The following DNAJC25 variants were observed in gnomAD, a reference collection of about 807,000 sequenced individuals.
The protein encoded by DNAJC25 is DnaJ heat shock protein family (Hsp40) member C25.
In DNAJC25, 26 loss-of-function variants were observed where a neutral mutation model predicts 42.1. The ratio of observed to expected loss-of-function variants is 0.62; its 90% CI spans 0.45 to 0.86. DNAJC25 has a LOEUF of 0.86. Ranked by LOEUF, DNAJC25 falls within the 40% of genes least tolerant of loss-of-function variation. The pLI is 0.00. For missense variants in DNAJC25, 404 were observed against 459.4 expected (o/e 0.88, Z 1.10); for synonymous variants, 189 against 179.9 (o/e 1.05, Z -0.40).
chr9:111,637,177 C>G (rs1007782226), intron 1 of DNAJC25, among the ~76,000 whole-genome samples: 1 of 152,054 alleles, frequency 6.6e-6, no homozygotes, highest in Non-Finnish European at 1.5e-5. Context: ...TTTTCATAGA[C>G]TTTAGGGGAT....
intron 1 of DNAJC25, among the ~76,000 whole-genome samples, chr9:111,638,102 G>A (rs1830390570): frequency 6.6e-6 from 1 of 152,162 alleles, no homozygotes; most frequent in Admixed American, 6.5e-5. Context: ...AATTAAACAT[G>A]TCTGAAATCA....
intron 1 of DNAJC25, among the ~76,000 whole-genome samples, chr9:111,638,482 G>A (rs1200774856): frequency 9.2e-5 from 14 of 152,146 alleles, no homozygotes; most frequent in Non-Finnish European, 4.4e-5. Context: ...GATAATCCTT[G>A]AGGATCCAGA....
chr9:111,652,858 A>G (rs1830684545), intron 3 of DNAJC25, among the ~76,000 whole-genome samples: 1 of 152,128 alleles, frequency 6.6e-6, no homozygotes, highest in South Asian at 2.1e-4. Flanking sequence ...CAAAATTACT[A>G]GTTCTTATAC....
Position 111,649,760 on chromosome 9 carries a change from G to A in DNAJC25, c.797G>A (p.Trp266Ter), listed in dbSNP as rs749289226. 6.2e-7 allele frequency: 1 copy of A among 1,613,924 alleles called. No homozygotes were observed. Among genetic ancestry groups the A allele is most frequent in the Non-Finnish European group, 8.5e-7 (1 of 1,179,980 alleles). ...TCATATATAGTTTGGTATTGTCGGT[G>A]GATCTATAATTTTAACATCAAAGGC... The part of the protein sequence containing the change: ...LCSYIVWYCR[W>*]IYNFNIKGKE... The change falls in exon 3 of 4, where the codon TGG (tryptophan) becomes TAG (stop). Residue 266 changes from tryptophan to a stop codon, truncating the protein, a stop_gained. Transcript: ENST00000313525. LOFTEE classifies it high-confidence loss of function.
chr9:111,644,555 A>G (rs1224006645), intron 1 of DNAJC25, among the ~76,000 whole-genome samples: 1 of 152,244 alleles, frequency 6.6e-6, no homozygotes, highest in African/African-American at 2.4e-5. Flanking sequence ...CGACACTCCA[A>G]GACCTTACTC....
At chr9:111,652,597 A>G (rs1429087492) in intron 3 of DNAJC25, among the ~76,000 whole-genome samples, 1 of 150,364 alleles carries the variant, frequency 6.7e-6, no homozygotes, top group East Asian at 2.0e-4. Context: ...GCTGGAGTGC[A>G]ATGGCATGAT....
intron 2 of DNAJC25, among the ~76,000 whole-genome samples, chr9:111,649,109 GAA>G (rs890899886): frequency 1.3e-5 from 2 of 151,868 alleles, no homozygotes; most frequent in Admixed American, 6.6e-5. Flanking sequence ...TAAAAAAAAA[GAA>G]AAAAAATTTT....
intron 1 of DNAJC25, among the ~76,000 whole-genome samples, chr9:111,645,639 A>G (rs2131266498): frequency 6.6e-6 from 1 of 152,332 alleles, no homozygotes; most frequent in Admixed American, 6.5e-5. Context: ...TTTAAATCTA[A>G]AAAACTACAT....
chr9:111,631,895 G>C (rs1451163017), intron 1 of DNAJC25, 152 bp downstream of exon 1: 1 of 1,378,212 alleles, frequency 7.3e-7, no homozygotes, highest in African/African-American at 1.5e-5. Context: ...TTTCCCACGT[G>C]GCCCTGTGAA....
Position 111,649,474 on chromosome 9 carries a change from T to C in DNAJC25, c.511T>C (p.Tyr171His). The C allele has an allele frequency of 6.3e-7, 1 of 1,586,992 alleles. No individual in the cohort carries two copies. The highest frequency in any genetic ancestry group is 8.5e-7 in the Non-Finnish European group (1 of 1,171,176). Reference sequence around the variant, plus strand: ...CTAGTTTTTCAGCTGGTGGAATAGCTACAATAAGGCAATCAGCTACCTAGC... The same window carrying C: ...CTAGTTTTTCAGCTGGTGGAATAGCCACAATAAGGCAATCAGCTACCTAGC... Reference protein sequence around the residue: ...VFQFFSWWNSYNKAISYLATV... With the variant: ...VFQFFSWWNSHNKAISYLATV... Residue 171 changes from tyrosine (Y) to histidine (H), a missense_variant, in exon 3 of 4, where the codon TAC becomes CAC. Tyr to His is a moderately conservative substitution (Grantham distance 83). Transcript: ENST00000313525.
intron 1 of DNAJC25, among the ~76,000 whole-genome samples, chr9:111,635,993 G>T (rs1830357047): frequency 6.6e-6 from 1 of 152,166 alleles, no homozygotes; most frequent in Non-Finnish European, 1.5e-5. Context: ...TAGGGGCTTG[G>T]AGGAGACCAT....
intron 1 of DNAJC25, among the ~76,000 whole-genome samples, chr9:111,641,924 G>A (rs1476446388): frequency 4.9e-4 from 69 of 140,390 alleles, no homozygotes; most frequent in African/African-American, 1.7e-3. Context: ...CGCCCCGTCC[G>A]GGAGGGAGGT....
chr9:111,643,089 T>G (rs1830507787), intron 1 of DNAJC25: 1 of 318,220 alleles, frequency 3.1e-6, no homozygotes, highest in South Asian at 2.7e-5. Flanking sequence ...ACTACCTTAT[T>G]GAAAGGTAAG....
chr9:111,640,027 A>G (rs1470420998), intron 1 of DNAJC25, among the ~76,000 whole-genome samples: 1 of 151,130 alleles, frequency 6.6e-6, no homozygotes, highest in African/African-American at 2.4e-5. Flanking sequence ...GGCTCACTGC[A>G]ACCTCCCTGC....
chr9:111,644,037 A>G (rs182558160), intron 1 of DNAJC25, among the ~76,000 whole-genome samples: 43 of 152,314 alleles, frequency 2.8e-4, no homozygotes, highest in Middle Eastern at 3.4e-3. Flanking sequence ...AAAACTGATC[A>G]TTTTCTTCAT....
intron 1 of DNAJC25, among the ~76,000 whole-genome samples, chr9:111,632,702 T>C (rs201791436): frequency 4.4e-5 from 6 of 136,888 alleles, no homozygotes; most frequent in East Asian, 2.2e-4. Context: ...TTTTTTTTTT[T>C]CCCGAGGCAA....
chr9:111,640,659 C>T (rs1589342980), intron 1 of DNAJC25, among the ~76,000 whole-genome samples: 2 of 58,214 alleles, frequency 3.4e-5, no homozygotes, highest in African/African-American at 1.1e-4. Flanking sequence ...CCGGCCGCCC[C>T]GTCTGAGAAG....
chr9:111,649,451 A>T lies in DNAJC25; in HGVS notation c.490-2A>T. 1 of 1,566,488 alleles carries T rather than the reference A, an allele frequency of 6.4e-7. No homozygotes were observed. Among genetic ancestry groups the T allele is most frequent in the South Asian group, 1.2e-5 (1 of 83,188 alleles). ...CTCATTGTTCTCTGTTAATTATTCT[A>T]GTTTTTCAGCTGGTGGAATAGCTAC... is the stretch of plus-strand genomic sequence containing the variant. On this transcript the variant is annotated splice_acceptor_variant, in intron 2 of 3. Transcript: ENST00000313525. LOFTEE classifies it high-confidence loss of function.
At chr9:111,634,148 CTT>C (rs1830331019) in intron 1 of DNAJC25, among the ~76,000 whole-genome samples, 1 of 152,174 alleles carries the variant, frequency 6.6e-6, no homozygotes, top group Non-Finnish European at 1.5e-5. Context: ...CAGCAGAACT[CTT>C]TGAAAACTTG....
Sources: gnomAD v4.1 joint callset for allele counts (sites outside exome capture counted in the v4.1 genomes callset) on GRCh38, gnomAD v4.1.1 for gene constraint, MANE v1.5 for transcripts, NCBI Gene and HGNC (gene_info 2026-07-23, HGNC 2026-07-21) for gene names.